The following USP25 variants were observed in gnomAD, a reference collection of about 807,000 sequenced individuals.
USP25 encodes ubiquitin carboxyl-terminal hydrolase 25.
Under a neutral mutation model 158.5 loss-of-function variants are expected in USP25, and 85 were observed. The ratio of observed to expected loss-of-function variants is 0.54; its 90% CI spans 0.45 to 0.64. The LOEUF (loss-of-function observed/expected upper bound fraction) is 0.64. Among genes scored for constraint, USP25 ranks in the 30% least tolerant of loss-of-function variants. The pLI is 0.00. For missense variants in USP25, 1,242 were observed against 1,327.3 expected (o/e 0.94, Z 1.00); for synonymous variants, 464 against 460.4 (o/e 1.01, Z -0.10).
intron 6 of USP25, among the ~76,000 whole-genome samples, chr21:15,802,795 A>T (rs1223471526): frequency 6.6e-6 from 1 of 151,688 alleles, no homozygotes; most frequent in Non-Finnish European, 1.5e-5. Flanking sequence ...GTAAGGAAAT[A>T]ATAAAGGTAA....
chr21:15,840,851 T>C (rs2038300269), intron 17 of USP25, among the ~76,000 whole-genome samples: 1 of 152,200 alleles, frequency 6.6e-6, no homozygotes, highest in South Asian at 2.1e-4. Context: ...TTATCTGCTA[T>C]GGTGAAGAGA....
chr21:15,847,409 A>C (rs1490520434), intron 18 of USP25, among the ~76,000 whole-genome samples: 3 of 152,214 alleles, frequency 2.0e-5, no homozygotes, highest in African/African-American at 7.2e-5. Context: ...TTACTACTTG[A>C]TGAATGCATT....
intron 3 of USP25, among the ~76,000 whole-genome samples, chr21:15,770,834 A>C (rs1384946873): frequency 6.6e-6 from 1 of 152,204 alleles, no homozygotes; most frequent in East Asian, 1.9e-4. Context: ...TAACAGTGAG[A>C]ATATTGAAAG....
At chr21:15,783,870 T>G (rs1384023144) in intron 4 of USP25, among the ~76,000 whole-genome samples, 1 of 151,494 alleles carries the variant, frequency 6.6e-6, no homozygotes, top group African/African-American at 2.4e-5. Context: ...CTTGGGAGGC[T>G]GAGGCAGGAG....
chr21:15,733,771 G>T (rs999171711), intron 1 of USP25, among the ~76,000 whole-genome samples: 10 of 152,204 alleles, frequency 6.6e-5, no homozygotes, highest in African/African-American at 2.4e-4. Context: ...GAACTCGGGA[G>T]GCGGAGGTTG....
chr21:15,775,659 G>A (rs2034596434), intron 3 of USP25, among the ~76,000 whole-genome samples: 1 of 150,392 alleles, frequency 6.6e-6, no homozygotes, highest in Non-Finnish European at 1.5e-5. Context: ...GGAAATTGGA[G>A]CCTGGAATAC....
chr21:15,847,592 G>A, intron 18 of USP25, 71 bp from the exon 19 acceptor site: 1 of 1,071,930 alleles, frequency 9.3e-7, no homozygotes, highest in Non-Finnish European at 1.4e-6. Context: ...AGGTTATACA[G>A]TTGTGCAAGG....
intron 3 of USP25, among the ~76,000 whole-genome samples, chr21:15,770,035 G>C (rs1439913058): frequency 6.6e-6 from 1 of 151,518 alleles, no homozygotes; most frequent in African/African-American, 2.4e-5. Flanking sequence ...GAAAAACCTT[G>C]AGGTTCTATC....
chr21:15,855,414 T>C (rs538052407), intron 20 of USP25, among the ~76,000 whole-genome samples: 3 of 152,318 alleles, frequency 2.0e-5, no homozygotes, highest in East Asian at 1.9e-4. Flanking sequence ...GAATTTTTTT[T>C]TGAGTGATAC....
chr21:15,781,752 A>C (rs1600891020), intron 4 of USP25, among the ~76,000 whole-genome samples: 1 of 152,274 alleles, frequency 6.6e-6, no homozygotes, highest in East Asian at 1.9e-4. Flanking sequence ...GAGAATCATC[A>C]GTCCTCATCA....
At chr21:15,872,058 A>G (rs894305145) in intron 23 of USP25, among the ~76,000 whole-genome samples, 1 of 129,092 alleles carries the variant, frequency 7.7e-6, no homozygotes. Context: ...ATCTTTAAAT[A>G]TAGCAGTTAT....
At position 15,851,061 on chromosome 21, in the gene USP25, A is replaced by G. The variant is rs138800559; in HGVS notation, c.2547+1189A>G. Among the ~76,000 whole-genome samples the G allele has an allele frequency of 1.5e-3, 233 of 151,932 alleles. 5 individuals carry two copies. The East Asian group carries it at 0.036, about 23-fold the overall frequency. On this transcript the variant is annotated intron_variant, in intron 20 of 25. Transcript: ENST00000400183. ...TTCTAGGTTTCTAACTGGCTTCCTA[A>G]TTTTTACCATTAGAAATTCCTTCTT...
intron 1 of USP25, among the ~76,000 whole-genome samples, chr21:15,750,181 C>CGT (rs367779613): frequency 0.065 from 8,257 of 126,808 alleles, 317 homozygotes; most frequent in South Asian, 0.092. Flanking sequence ...TCTCCAGTGC[C>CGT]GTGTGTGTGT....
intron 1 of USP25, among the ~76,000 whole-genome samples, chr21:15,754,294 T>C (rs1179688629): frequency 1.3e-5 from 2 of 152,238 alleles, no homozygotes; most frequent in South Asian, 2.1e-4. Context: ...TCTTGTGATA[T>C]GGCTTGTTCC....
Position 15,878,657 on chromosome 21 carries a change from A to G in USP25, c.*182A>G, listed in dbSNP as rs902579061. ...TGCAGACAATAAAGCTGAAAATCGC[A>G]TGGCGCTCAGACATTTTAACCGGAA... is the stretch of plus-strand genomic sequence containing the variant. On this transcript the variant is annotated 3_prime_UTR_variant, in exon 26 of 26. Coordinates refer to ENST00000400183, the MANE Select transcript of USP25 (RefSeq NM_001283041.3). 9.7e-6 allele frequency: 5 copies of G among 514,448 alleles called. No individual in the cohort carries two copies. Among genetic ancestry groups the G allele is most frequent in the African/African-American group, 5.9e-5 (3 of 50,762 alleles). The allele number at this position is 514,448 out of a possible 1,614,324, so 31.9% of individuals were successfully genotyped here. A position where few individuals can be genotyped will look rare whatever the true frequency, so the allele number is the denominator to read the frequency against.
At chr21:15,861,523 G>A (rs1221898234) in intron 20 of USP25, among the ~76,000 whole-genome samples, 2 of 152,096 alleles carry the variant, frequency 1.3e-5, no homozygotes, top group Non-Finnish European at 2.9e-5. Context: ...TGAGGAGGTA[G>A]TATGAGACAA....
At chr21:15,846,310 G>GTGCCACCA (rs2038615098) in intron 18 of USP25, among the ~76,000 whole-genome samples, 1 of 150,558 alleles carries the variant, frequency 6.6e-6, no homozygotes, top group African/African-American at 2.4e-5. Flanking sequence ...TTACAGGCAT[G>GTGCCACCA]TGCCACCATG....
At chr21:15,789,902 A>G (rs529219160) in intron 4 of USP25, among the ~76,000 whole-genome samples, 62 of 152,180 alleles carry the variant, frequency 4.1e-4, no homozygotes, top group African/African-American at 1.4e-3. Context: ...TACTTTTTAT[A>G]TACTGTGCAT....
chr21:15,852,988 A>G (rs543718802), intron 20 of USP25, among the ~76,000 whole-genome samples: 3 of 152,326 alleles, frequency 2.0e-5, no homozygotes, highest in Admixed American at 6.5e-5. Flanking sequence ...ATAAAAAATG[A>G]AAGTAATGTA....
Sources: gnomAD v4.1 joint callset for allele counts (sites outside exome capture counted in the v4.1 genomes callset) on GRCh38, gnomAD v4.1.1 for gene constraint, MANE v1.5 for transcripts, NCBI Gene and HGNC (gene_info 2026-07-23, HGNC 2026-07-21) for gene names.